KCNIP1: variants seen among roughly 807,000 people sequenced by gnomAD.
KCNIP1 encodes the protein A-type potassium channel modulatory protein KCNIP1.
In KCNIP1, 18 loss-of-function variants were observed where a neutral mutation model predicts 33.0. That is an observed-to-expected ratio of 0.55 (90% CI 0.38 to 0.81). The LOEUF is 0.81. Ranked by LOEUF, KCNIP1 falls within the 30% of genes least tolerant of loss-of-function variation. The probability of loss-of-function intolerance (pLI) is 0.00; values close to 1 mark genes in which losing one functional copy is unlikely to be tolerated. For synonymous variants in KCNIP1, 93 were observed against 98.3 expected, an observed-to-expected ratio of 0.95 and a Z score of 0.32; for missense variants, 238 against 271.6, an observed-to-expected ratio of 0.88 and a Z score of 0.87.
chr5:170,472,325 G>A lies in KCNIP1; in HGVS notation c.88+118361G>A, dbSNP rs553894221. 9.2e-5 allele frequency among the ~76,000 whole-genome samples: 14 copies of A among 152,348 alleles called. No individual in the cohort carries two copies. The East Asian group carries it at 2.3e-3, about 25-fold the overall frequency. On this transcript the variant is annotated intron_variant, in intron 1 of 7. Transcript: ENST00000377360. ...GGCAAAACTGCAAGGGTGGATTGAC[G>A]CTGGGGCGGCGCCTGCCCCACAGTC...
chr5:170,515,759 G>T (rs1755097876), intron 1 of KCNIP1, among the ~76,000 whole-genome samples: 2 of 152,196 alleles, frequency 1.3e-5, no homozygotes. Context: ...CACTGGACTA[G>T]GCTGGACCTG....
intron 1 of KCNIP1, among the ~76,000 whole-genome samples, chr5:170,648,833 G>C (rs1459520230): frequency 6.6e-6 from 1 of 152,146 alleles, no homozygotes; most frequent in Non-Finnish European, 1.5e-5. Context: ...TGTTGATGGT[G>C]GGGGAAGCTG....
chr5:170,593,163 A>G (rs2113558022), intron 1 of KCNIP1, among the ~76,000 whole-genome samples: 1 of 152,348 alleles, frequency 6.6e-6, no homozygotes, highest in African/African-American at 2.4e-5. Flanking sequence ...CACATATACT[A>G]CATTTAAAAG....
At chr5:170,719,198 C>T (rs1010422188) in intron 2 of KCNIP1, among the ~76,000 whole-genome samples, 1 of 152,110 alleles carries the variant, frequency 6.6e-6, no homozygotes, top group Non-Finnish European at 1.5e-5. Context: ...CCTGGTGGTG[C>T]CCCCACAATA....
chr5:170,538,967 G>A lies in KCNIP1; in HGVS notation c.61+34334G>A, dbSNP rs560809790. ...AACTGCTGCTAGCCCCAGGGCTCTGGGCTGGCTTTCTATTCCTCCTTCTGG... is the reference window on the plus strand; with the variant it reads ...AACTGCTGCTAGCCCCAGGGCTCTGAGCTGGCTTTCTATTCCTCCTTCTGG... On this transcript the variant is annotated intron_variant, in intron 1 of 7. Coordinates refer to ENST00000328939, the MANE Select transcript of KCNIP1 (RefSeq NM_014592.4). Among the ~76,000 whole-genome samples, 3 of 151,910 alleles carry A rather than the reference G, an allele frequency of 2.0e-5. No homozygotes were observed. In the South Asian group the frequency reaches 6.3e-4, roughly 32 times the overall value.
chr5:170,370,615 T>C (rs1012527374), intron 1 of KCNIP1, among the ~76,000 whole-genome samples: 1 of 152,232 alleles, frequency 6.6e-6, no homozygotes, highest in South Asian at 2.1e-4. Flanking sequence ...CTGAGGCTGC[T>C]TGGGGCGAAT....
intron 1 of KCNIP1, among the ~76,000 whole-genome samples, chr5:170,361,926 A>G (rs1480361945): frequency 1.3e-5 from 2 of 152,174 alleles, no homozygotes; most frequent in Non-Finnish European, 2.9e-5. Context: ...GGGAGGCACA[A>G]ATATTCAGCC....
chr5:170,541,299 AT>A (rs1756202435), intron 1 of KCNIP1, among the ~76,000 whole-genome samples: 1 of 152,146 alleles, frequency 6.6e-6, no homozygotes, highest in Middle Eastern at 3.2e-3. Flanking sequence ...GGCCTGAAGC[AT>A]TCCTTTTGGA....
intron 1 of KCNIP1, among the ~76,000 whole-genome samples, chr5:170,531,482 A>G (rs1398004822): frequency 1.3e-5 from 2 of 152,190 alleles, no homozygotes; most frequent in African/African-American, 2.4e-5. Flanking sequence ...GCCTACTTCA[A>G]TTGCATGAGA....
rs542142497 is a variant in KCNIP1, at chr5:170,691,114, G to A, written c.62-27644G>A. Among the ~76,000 whole-genome samples the A allele has an allele frequency of 2.6e-5, 4 of 152,292 alleles. No individual in the cohort carries two copies. In the South Asian group the frequency reaches 8.3e-4, roughly 32 times the overall value. ...GCCAAGGCTACAGCATTTCTCTATGGCACCACTGCCATGACAACCATCAGT... is the reference window on the plus strand; with the variant it reads ...GCCAAGGCTACAGCATTTCTCTATGACACCACTGCCATGACAACCATCAGT... On this transcript the variant is annotated intron_variant, in intron 1 of 7. Transcript: ENST00000328939.
At chr5:170,546,854 T>C (rs1414698516) in intron 1 of KCNIP1, among the ~76,000 whole-genome samples, 2 of 152,318 alleles carry the variant, frequency 1.3e-5, no homozygotes, top group East Asian at 3.9e-4. Context: ...AATTTAGAGT[T>C]AATCACATAT....
At chr5:170,551,673 TGA>T (rs1360463347) in intron 1 of KCNIP1, among the ~76,000 whole-genome samples, 9 of 151,596 alleles carry the variant, frequency 5.9e-5, no homozygotes, top group African/African-American at 2.2e-4. Context: ...TGAGTGGTTG[TGA>T]GAGTGTGGAT....
At chr5:170,712,761 C>T in intron 1 of KCNIP1, 1 of 1,168,042 alleles carries the variant, frequency 8.6e-7, no homozygotes, top group Non-Finnish European at 1.3e-6. Context: ...ACGACGTGGA[C>T]ACCCTCAGAG....
At position 170,578,870 on chromosome 5, in the gene KCNIP1, A is replaced by G. The variant is rs79502556; in HGVS notation, c.61+74237A>G. On this transcript the variant is annotated intron_variant, in intron 1 of 7. Transcript: ENST00000328939. ...TATTGGGAAAGAGACAGTCATGAAG[A>G]GAGATTGGGAGCGTAAGATTCCAGG... is the stretch of plus-strand genomic sequence containing the variant. Among the ~76,000 whole-genome samples the G allele has an allele frequency of 1.3e-3, 199 of 152,224 alleles. 3 individuals carry two copies. The East Asian group carries it at 0.024, about 18-fold the overall frequency.
At chr5:170,372,062 C>A (rs921672625) in intron 1 of KCNIP1, among the ~76,000 whole-genome samples, 1 of 152,180 alleles carries the variant, frequency 6.6e-6, no homozygotes, top group Non-Finnish European at 1.5e-5. Context: ...CAAATGCCAG[C>A]CACCAATAGG....
chr5:170,669,060 T>C (rs1761818044), intron 1 of KCNIP1, among the ~76,000 whole-genome samples: 1 of 152,230 alleles, frequency 6.6e-6, no homozygotes, highest in Non-Finnish European at 1.5e-5. Flanking sequence ...CACAGTCTTG[T>C]TATCTCTACC....
At chr5:170,448,924 T>C (rs974492999) in intron 1 of KCNIP1, among the ~76,000 whole-genome samples, 1 of 152,172 alleles carries the variant, frequency 6.6e-6, no homozygotes, top group African/African-American at 2.4e-5. Context: ...ACACTGAGGC[T>C]CAGGGAGTGT....
At chr5:170,376,831 C>T (rs1002771182) in intron 1 of KCNIP1, 1 of 151,962 alleles carries the variant, frequency 6.6e-6, no homozygotes, top group Non-Finnish European at 1.5e-5. Flanking sequence ...ACAAGTGTAC[C>T]TATGTAACAA....
rs188651914 is a variant in KCNIP1, at chr5:170,433,861, C to T, written c.88+79897C>T. ...AGGCACCAATTTACCCAGGATTTCA[C>T]AGCTCATCGGGGCAGTGGGGGACCC... On this transcript the variant is annotated intron_variant, in intron 1 of 7. Coordinates refer to the KCNIP1 transcript ENST00000377360. Among the ~76,000 whole-genome samples the T allele has an allele frequency of 2.0e-3, 312 of 152,358 alleles. 1 individual carries two copies. Among genetic ancestry groups the T allele is most frequent in the Admixed American group, 3.2e-3 (49 of 15,308 alleles).
Sources: allele counts gnomAD v4.1 joint callset (sites outside exome capture counted in the v4.1 genomes callset), GRCh38; gene constraint gnomAD v4.1.1; transcripts MANE v1.5; gene names NCBI Gene and HGNC (gene_info 2026-07-23, HGNC 2026-07-21).